ALK: variants seen among roughly 807,000 people sequenced by gnomAD.
The protein encoded by ALK is ALK tyrosine kinase receptor.
Under a neutral mutation model 163.1 loss-of-function variants are expected in ALK, and 74 were observed. That is an observed-to-expected ratio of 0.45 (90% CI 0.38 to 0.55). ALK has a LOEUF of 0.55. Among genes scored for constraint, ALK ranks in the 20% least tolerant of loss-of-function variants. The pLI is 0.00. For missense variants in ALK, 2,063 were observed against 2,105.3 expected (o/e 0.98, Z 0.39); for synonymous variants, 960 against 843.2 (o/e 1.14, Z -2.40).
intron 4 of ALK, among the ~76,000 whole-genome samples, chr2:29,454,874 A>G (rs936551655): frequency 6.6e-6 from 1 of 152,168 alleles, no homozygotes; most frequent in Non-Finnish European, 1.5e-5. Flanking sequence ...ATACTATTAA[A>G]ATTAAAGTTC....
At chr2:29,746,069 A>G (rs1301904902) in intron 1 of ALK, among the ~76,000 whole-genome samples, 1 of 152,184 alleles carries the variant, frequency 6.6e-6, no homozygotes, top group Non-Finnish European at 1.5e-5. Flanking sequence ...CAACCCTGTG[A>G]CATAGGTATT....
chr2:29,531,544 C>T (rs142857748), intron 4 of ALK, among the ~76,000 whole-genome samples: 210 of 152,294 alleles, frequency 1.4e-3, no homozygotes, highest in Non-Finnish European at 2.7e-3. Context: ...CCAACTTCTG[C>T]TGGTAAAACC....
At chr2:29,480,301 A>C (rs1671631354) in intron 4 of ALK, among the ~76,000 whole-genome samples, 1 of 152,214 alleles carries the variant, frequency 6.6e-6, no homozygotes, top group Non-Finnish European at 1.5e-5. Context: ...AAGAAAAACA[A>C]AGCAAATAGG....
chr2:29,350,455 T>C (rs953163103), intron 5 of ALK, among the ~76,000 whole-genome samples: 4 of 152,136 alleles, frequency 2.6e-5, no homozygotes, highest in Non-Finnish European at 5.9e-5. Flanking sequence ...GGAAGATCCT[T>C]CCATTGACCT....
intron 23 of ALK, among the ~76,000 whole-genome samples, chr2:29,214,319 C>T (rs750328422): frequency 1.3e-5 from 2 of 152,112 alleles, no homozygotes; most frequent in Non-Finnish European, 2.9e-5. Context: ...TGAAGTCTTC[C>T]CAGGTAATAT....
chr2:29,361,483 A>C (rs1400161483), intron 5 of ALK, among the ~76,000 whole-genome samples: 1 of 152,206 alleles, frequency 6.6e-6, no homozygotes, highest in South Asian at 2.1e-4. Context: ...CGCGTAGGAA[A>C]TGCATTTGCT....
intron 8 of ALK, among the ~76,000 whole-genome samples, chr2:29,311,491 CCAAA>C (rs923360380): frequency 1.3e-5 from 2 of 152,078 alleles, no homozygotes; most frequent in Non-Finnish European, 2.9e-5. Flanking sequence ...GTTTTTGTGT[CCAAA>C]CAAATAGGTA....
At chr2:29,849,386 A>T (rs1665936392) in intron 1 of ALK, among the ~76,000 whole-genome samples, 1 of 152,212 alleles carries the variant, frequency 6.6e-6, no homozygotes, top group Admixed American at 6.5e-5. Context: ...GCATGTGGTA[A>T]GAAGAGGGAC....
At position 29,787,818 on chromosome 2, in the gene ALK, C is replaced by T. The variant is rs114735472; in HGVS notation, c.668-70121G>A. 5.2e-3 allele frequency among the ~76,000 whole-genome samples: 789 copies of T among 152,250 alleles called. 7 individuals are homozygous for T. Among genetic ancestry groups the T allele is most frequent in the African/African-American group, 0.018 (736 of 41,536 alleles). ...TGGGACCAAATGACCTACATCCCAA[C>T]CAAATGTCCCAACCAAAGAAGAATG... On this transcript the variant is annotated intron_variant, in intron 1 of 28. Coordinates refer to ENST00000389048, the MANE Select transcript of ALK (RefSeq NM_004304.5).
At chr2:29,232,228 A>G (rs1244397350) in intron 15 of ALK, 76 bp downstream of exon 15, 2 of 1,571,710 alleles carry the variant, frequency 1.3e-6, no homozygotes, top group Admixed American at 1.7e-5. Context: ...AGATGCCCTC[A>G]GGCATGCGAT....
chr2:29,626,145 C>A (rs758324847), intron 3 of ALK, among the ~76,000 whole-genome samples: 22 of 152,078 alleles, frequency 1.4e-4, no homozygotes, highest in Non-Finnish European at 2.8e-4. Flanking sequence ...AAGCCCTATA[C>A]CCTATGTGAT....
chr2:29,458,199 C>T (rs1671005882), intron 4 of ALK, among the ~76,000 whole-genome samples: 1 of 152,072 alleles, frequency 6.6e-6, no homozygotes, highest in African/African-American at 2.4e-5. Context: ...AACGTATATG[C>T]TTGGGTATAC....
At chr2:29,537,550 G>A (rs1183536851) in intron 3 of ALK, among the ~76,000 whole-genome samples, 3 of 152,238 alleles carry the variant, frequency 2.0e-5, no homozygotes, top group African/African-American at 7.2e-5. Context: ...TCTACCACTG[G>A]GGCAGAGCCC....
chr2:29,792,895 G>A (rs1343556213), intron 1 of ALK, among the ~76,000 whole-genome samples: 1 of 152,108 alleles, frequency 6.6e-6, no homozygotes, highest in Non-Finnish European at 1.5e-5. Flanking sequence ...CTGATGGAGG[G>A]TCTTGCCTCA....
chr2:29,919,359 T>C (rs1291025678), intron 1 of ALK, among the ~76,000 whole-genome samples: 1 of 152,042 alleles, frequency 6.6e-6, no homozygotes, highest in Non-Finnish European at 1.5e-5. Flanking sequence ...CCTCTGTTCC[T>C]TAGTTTCTCT....
At chr2:29,607,108 T>G (rs1385308823) in intron 3 of ALK, among the ~76,000 whole-genome samples, 7 of 152,212 alleles carry the variant, frequency 4.6e-5, no homozygotes, top group Admixed American at 4.6e-4. Flanking sequence ...TGATTTTCTA[T>G]TGTTTTTTCT....
At position 29,404,938 on chromosome 2, in the gene ALK, G is replaced by A. The variant is rs548920940; in HGVS notation, c.1155-21079C>T. Among the ~76,000 whole-genome samples, 5 of 152,284 alleles carry A rather than the reference G, an allele frequency of 3.3e-5. No individual in the cohort carries two copies. The East Asian group carries it at 7.7e-4, about 24-fold the overall frequency. ...GGACTGAGAATTTCTTGTAGGGGAC[G>A]AATATGGGATTCCATCACCTGATTG... On this transcript the variant is annotated intron_variant, in intron 4 of 28. Coordinates refer to ENST00000389048, the MANE Select transcript of ALK (RefSeq NM_004304.5).
intron 9 of ALK, among the ~76,000 whole-genome samples, chr2:29,294,051 A>G (rs1437974787): frequency 6.6e-6 from 1 of 152,234 alleles, no homozygotes; most frequent in East Asian, 1.9e-4. Flanking sequence ...AGCTGAAGCC[A>G]GGAGCTGCCT....
intron 3 of ALK, among the ~76,000 whole-genome samples, chr2:29,674,618 A>G (rs1677816397): frequency 6.6e-6 from 1 of 151,394 alleles, no homozygotes; most frequent in African/African-American, 2.4e-5. Flanking sequence ...TTCATCAAGG[A>G]TATTGGTCTA....
Sources: allele counts gnomAD v4.1 joint callset (sites outside exome capture counted in the v4.1 genomes callset), GRCh38; gene constraint gnomAD v4.1.1; transcripts MANE v1.5; gene names NCBI Gene and HGNC (gene_info 2026-07-23, HGNC 2026-07-21).